The following NANP variants were observed in gnomAD, a reference collection of about 807,000 sequenced individuals.
The protein encoded by NANP is N-acylneuraminate-9-phosphatase.
A neutral mutation model predicts 16.9 loss-of-function variants in NANP; 15 were observed. The observed-to-expected ratio is 0.89, with a 90% CI of 0.59 to 1.37. The LOEUF is 1.37. NANP is among the 40% of genes most tolerant of loss of function. The probability of loss-of-function intolerance (pLI) is 0.00; values close to 1 mark genes in which losing one functional copy is unlikely to be tolerated. For missense variants in NANP, 290 were observed against 303.5 expected (o/e 0.96, Z 0.33); for synonymous variants, 135 against 112.6 (o/e 1.20, Z -1.26).
Position 25,614,060 on chromosome 20 carries a change from A to G in NANP, c.*1865T>C, listed in dbSNP as rs2065332179. 1 of 386,202 alleles carries G rather than the reference A, an allele frequency of 2.6e-6. No individual in the cohort carries two copies. Among genetic ancestry groups the G allele is most frequent in the Non-Finnish European group, 4.6e-6 (1 of 218,742 alleles). The allele number at this position is 386,202 out of a possible 1,614,324, so 23.9% of individuals were successfully genotyped here. A position where few individuals can be genotyped will look rare whatever the true frequency, so the allele number is the denominator to read the frequency against. ...GAAACTACAAACATCCTCTGTTCAC[A>G]AATGTTCACTGTTATAGCAACAGCA... On this transcript the variant is annotated 3_prime_UTR_variant, in exon 2 of 2. Transcript: ENST00000304788.
chr20:25,615,857 C>T lies in NANP; in HGVS notation c.*68G>A. The T allele has an allele frequency of 7.0e-7, 1 of 1,427,460 alleles. No individual in the cohort carries two copies. Among genetic ancestry groups the T allele is most frequent in the Non-Finnish European group, 9.5e-7 (1 of 1,053,358 alleles). 88.4% of individuals were successfully genotyped at this position (1,427,460 alleles called of 1,614,324 possible). On this transcript the variant is annotated 3_prime_UTR_variant, in exon 2 of 2. Coordinates refer to ENST00000304788, the MANE Select transcript of NANP (RefSeq NM_152667.3). The stretch of plus-strand genomic sequence containing the variant: ...AGCTGGATTATCATAAGTGGAGTGC[C>T]CTAACTTTTCTTATTTCATACTCAG...
In NANP at chr20:25,616,512, C is replaced by G; in HGVS notation, c.160G>C (p.Val54Leu). 6.2e-7 allele frequency: 1 copy of G among 1,613,090 alleles called. No homozygotes were observed. Among genetic ancestry groups the G allele is most frequent in the Non-Finnish European group, 8.5e-7 (1 of 1,179,616 alleles). Residue 54 changes from valine to leucine, a missense_variant, in exon 2 of 2, where the codon GTT (valine) becomes CTT (leucine). By Grantham distance (32) the Val-to-Leu change is conservative. Coordinates refer to ENST00000304788, the MANE Select transcript of NANP (RefSeq NM_152667.3). The stretch of plus-strand genomic sequence containing the variant: ...TGAAAACATTCCTTGCTGAGTTTAA[C>G]TTGAACTTTATCACAGATGATTTCA... The part of the protein sequence containing the change: ...EAEIICDKVQ[V>L]KLSKECFHPY...
rs2065344848 is a variant in NANP at position 25,616,564 on chromosome 20, T to C, written c.108A>G (p.Gln36=). 1 of 1,590,028 alleles carries C rather than the reference T, an allele frequency of 6.3e-7. No individual in the cohort carries two copies. Among genetic ancestry groups the C allele is most frequent in the African/African-American group, 1.4e-5 (1 of 73,982 alleles). ...CCTCTTCTTTATAATGGTATTTTGA[T>C]TGTAAGAGTTTTATCACCTAAATAA... is the stretch of plus-strand genomic sequence containing the variant. ...RGMLEVIKLL[Q]SKYHYKEEAE... The change falls in exon 2 of 2, where the codon CAA becomes CAG. Residue 36 remains glutamine (Q), a synonymous_variant. Coordinates refer to ENST00000304788, the MANE Select transcript of NANP (RefSeq NM_152667.3).
Position 25,623,943 on chromosome 20 carries a change from C to T in NANP, c.6G>A (p.Gly2=), listed in dbSNP as rs1310561228. 11 of 1,612,526 alleles carry T rather than the reference C, an allele frequency of 6.8e-6. No homozygotes were observed. Among genetic ancestry groups the T allele is most frequent in the Non-Finnish European group, 9.3e-6 (11 of 1,179,630 alleles). Residue 2 remains glycine, a synonymous_variant, in exon 1 of 2, where the codon GGG becomes GGA. Transcript: ENST00000304788. ...AGAAAACCGCCCGCACGCGGCTCAG[C>T]CCCATAGCGCCGGCCGCTGGCGCGA... M[G]LSRVRAVFFD... is the part of the protein sequence containing the mutation.
In NANP at chr20:25,613,592, T is replaced by C; in HGVS notation, c.*2333A>G. The C allele has an allele frequency of 2.6e-6, 1 of 388,998 alleles. No individual in the cohort carries two copies. The highest frequency in any genetic ancestry group is 4.5e-6 in the Non-Finnish European group (1 of 220,876). 24.1% of individuals were successfully genotyped at this position (388,998 alleles called of 1,614,324 possible). A position where few individuals can be genotyped will look rare whatever the true frequency, so the allele number is the denominator to read the frequency against. ...AAAAAATATTAATAAAATCATAGGT[T>C]TATTCCAATATTTTAAAATATTTTC... On this transcript the variant is annotated 3_prime_UTR_variant, in exon 2 of 2. Transcript: ENST00000304788.
In NANP at chr20:25,616,105, G is replaced by A. The variant is rs781583174; in HGVS notation, c.567C>T (p.Asp189=). The A allele has an allele frequency of 1.9e-6, 3 of 1,614,102 alleles. No homozygotes were observed. Among genetic ancestry groups the A allele is most frequent in the Non-Finnish European group, 1.7e-6 (2 of 1,180,040 alleles). ...VQPGDCVMVG[D]TLETDIQGGL... Reference sequence around the variant, plus strand: ...CTCCTTGGATGTCGGTTTCTAATGTGTCACCGACCATCACACAGTCCCCAG... The same window carrying A: ...CTCCTTGGATGTCGGTTTCTAATGTATCACCGACCATCACACAGTCCCCAG... The change falls in exon 2 of 2, where the codon GAC becomes GAT. Residue 189 remains aspartate, a synonymous_variant. Coordinates refer to ENST00000304788, the MANE Select transcript of NANP (RefSeq NM_152667.3).
At chr20:25,617,637 C>T (rs1422946138) in intron 1 of NANP, among the ~76,000 whole-genome samples, 2 of 152,080 alleles carry the variant, frequency 1.3e-5, no homozygotes, top group African/African-American at 2.4e-5. Context: ...CTGCTTCAGC[C>T]TCCCGCGTAG....
Position 25,623,956 on chromosome 20 carries a change from G to T in NANP, c.-8C>A, listed in dbSNP as rs750782909. The T allele has an allele frequency of 1.2e-6, 2 of 1,611,588 alleles. No homozygotes were observed. The highest frequency in any genetic ancestry group is 1.7e-6 in the Non-Finnish European group (2 of 1,179,338). On this transcript the variant is annotated 5_prime_UTR_variant, in exon 1 of 2. Transcript: ENST00000304788. ...CACGCGGCTCAGCCCCATAGCGCCG[G>T]CCGCTGGCGCGAACCGTAGCCTTGC... is the stretch of plus-strand genomic sequence containing the variant.
Position 25,616,021 on chromosome 20 carries a change from C to G in NANP, c.651G>C (p.Leu217=). Reference sequence around the variant, plus strand: ...TGTAATGCGGAACTGGGGAGGACTTCAGTGGCACTATTCCATTTTTATTGA... The same window carrying G: ...TGTAATGCGGAACTGGGGAGGACTTGAGTGGCACTATTCCATTTTTATTGA... The part of the protein sequence containing the change: ...VWINKNGIVP[L]KSSPVPHYMV... The change falls in exon 2 of 2, where the codon CTG becomes CTC. Residue 217 remains leucine (L), a synonymous_variant. Coordinates refer to ENST00000304788, the MANE Select transcript of NANP (RefSeq NM_152667.3). 6.2e-7 allele frequency: 1 copy of G among 1,614,236 alleles called. No individual in the cohort carries two copies. Among genetic ancestry groups the G allele is most frequent in the African/African-American group, 1.3e-5 (1 of 75,062 alleles).
chr20:25,613,048 G>A lies in NANP; in HGVS notation c.*2877C>T, dbSNP rs567518468. Reference sequence around the variant, plus strand: ...AATGGAATGAAAAATATCATCACACGTAACAAGAATGTTTTATGAAAATTA... The same window carrying A: ...AATGGAATGAAAAATATCATCACACATAACAAGAATGTTTTATGAAAATTA... On this transcript the variant is annotated 3_prime_UTR_variant, in exon 2 of 2. Transcript: ENST00000304788. 2 of 151,892 alleles carry A rather than the reference G, an allele frequency of 1.3e-5. No homozygotes were observed. The highest frequency in any genetic ancestry group is 6.6e-5 in the Admixed American group (1 of 15,258). The allele number at this position is 151,892 out of a possible 1,614,324, so 9.4% of individuals were successfully genotyped here. A position where few individuals can be genotyped will look rare whatever the true frequency, so the allele number is the denominator to read the frequency against.
chr20:25,616,830 CTTTG>C (rs1184538494), intron 1 of NANP, among the ~76,000 whole-genome samples: 2 of 152,256 alleles, frequency 1.3e-5, no homozygotes, highest in Admixed American at 1.3e-4. Context: ...AGTAACAATC[CTTTG>C]TTTGGTAGTT....
chr20:25,614,513 A>T lies in NANP; in HGVS notation c.*1412T>A, dbSNP rs917764177. 3 of 152,112 alleles carry T rather than the reference A, an allele frequency of 2.0e-5. No individual in the cohort carries two copies. Among genetic ancestry groups the T allele is most frequent in the African/African-American group, 7.3e-5 (3 of 41,370 alleles). 9.4% of individuals were successfully genotyped at this position (152,112 alleles called of 1,614,324 possible). A position where few individuals can be genotyped will look rare whatever the true frequency, so the allele number is the denominator to read the frequency against. On this transcript the variant is annotated 3_prime_UTR_variant, in exon 2 of 2. Coordinates refer to ENST00000304788, the MANE Select transcript of NANP (RefSeq NM_152667.3). ...GTTCCAAGACGATGCCTTGCTATGT[A>T]GCCATTAATTATTAAGCTCCTGGTA...
At position 25,623,817 on chromosome 20, in the gene NANP, C is replaced by A. The variant is rs374458485; in HGVS notation, c.90+42G>T. On this transcript the variant is annotated intron_variant, in intron 1 of 1. Transcript: ENST00000304788. ...TGAGCGTGCAGGACGGGGCGGGGCGCACTGACCCCGCCCAGAGGAGCGCCA... is the reference window on the plus strand; with the variant it reads ...TGAGCGTGCAGGACGGGGCGGGGCGAACTGACCCCGCCCAGAGGAGCGCCA... 17 of 1,554,258 alleles carry A rather than the reference C, an allele frequency of 1.1e-5. No individual in the cohort carries two copies. The African/African-American group carries it at 2.3e-4, about 21-fold the overall frequency.
chr20:25,619,792 C>G, intron 1 of NANP, among the ~76,000 whole-genome samples: 1 of 152,278 alleles, frequency 6.6e-6, no homozygotes, highest in South Asian at 2.1e-4. Flanking sequence ...CGCTTAGATA[C>G]GGGCTGGCTC....
intron 1 of NANP, 24 bp downstream of exon 1, chr20:25,623,835 G>A: frequency 6.2e-7 from 1 of 1,606,042 alleles, no homozygotes. Flanking sequence ...CCGCCCAGAG[G>A]AGCGCCATGG....
chr20:25,615,770 CAATAGGGTTGGGAAGACCTTCAA>C lies in NANP; in HGVS notation c.*132_*154del, dbSNP rs1240346621. 1.4e-5 allele frequency: 10 copies of C among 706,162 alleles called. No homozygotes were observed. The highest frequency in any genetic ancestry group is 2.0e-5 in the Non-Finnish European group (9 of 440,694). 43.7% of individuals were successfully genotyped at this position (706,162 alleles called of 1,614,324 possible). A position where few individuals can be genotyped will look rare whatever the true frequency, so the allele number is the denominator to read the frequency against. On this transcript the variant is annotated 3_prime_UTR_variant, in exon 2 of 2. Transcript: ENST00000304788. Reference sequence around the variant, plus strand: ...ATGGTTGGTTGTTACAACTTAGAAGCAATAGGGTTGGGAAGACCTTCAAAATATTGGCCATTAAATCATAAGTA... The same window carrying C: ...ATGGTTGGTTGTTACAACTTAGAAGCAATATTGGCCATTAAATCATAAGTA...
At chr20:25,623,044 C>T (rs1189029057) in intron 1 of NANP, among the ~76,000 whole-genome samples, 2 of 152,212 alleles carry the variant, frequency 1.3e-5, no homozygotes, top group Non-Finnish European at 2.9e-5. Flanking sequence ...ACTGATGAAG[C>T]ATGAAGAGGA....
In NANP at chr20:25,616,288, A is replaced by G; in HGVS notation, c.384T>C (p.Leu128=). 1 of 1,614,184 alleles carries G rather than the reference A, an allele frequency of 6.2e-7. No individual in the cohort carries two copies. Among genetic ancestry groups the G allele is most frequent in the Non-Finnish European group, 8.5e-7 (1 of 1,180,028 alleles). The change falls in exon 2 of 2, where the codon CTT becomes CTC. Residue 128 remains leucine (L), a synonymous_variant. Transcript: ENST00000304788. ...TCTGTCTGTCCCCATTCGTTAATAG[A>G]AGTAGGCGGACCTCCTTTCGAAGTT... is the stretch of plus-strand genomic sequence containing the variant. ...LTELRKEVRL[L]LLTNGDRQTQ...
intron 1 of NANP, 110 bp downstream of exon 1, chr20:25,623,749 G>A: frequency 2.7e-6 from 3 of 1,099,298 alleles, no homozygotes; most frequent in Non-Finnish European, 3.9e-6. Flanking sequence ...CAACCAGCAA[G>A]AGCGGCCCGC....
Sources: allele counts gnomAD v4.1 joint callset (sites outside exome capture counted in the v4.1 genomes callset), GRCh38; gene constraint gnomAD v4.1.1; transcripts MANE v1.5; gene names NCBI Gene and HGNC (gene_info 2026-07-23, HGNC 2026-07-21).